Variants in LRRC37B observed in about 807,000 individuals in gnomAD.
LRRC37B encodes the protein leucine-rich repeat-containing protein 37B.
In LRRC37B, 28 loss-of-function variants were observed where a neutral mutation model predicts 98.3. The ratio of observed to expected loss-of-function variants is 0.28; its 90% CI spans 0.21 to 0.39. LRRC37B has a LOEUF of 0.39. Ranked by LOEUF, LRRC37B falls within the 10% of genes least tolerant of loss-of-function variation. The pLI, the probability that LRRC37B is intolerant of heterozygous loss-of-function variation, is 1.00. For missense variants in LRRC37B, 938 were observed against 1,182.7 expected (o/e 0.79, Z 3.03); for synonymous variants, 364 against 442.7 (o/e 0.82, Z 2.23).
intron 11 of LRRC37B, chr17:32,052,245 G>A (rs1255614903): frequency 6.7e-6 from 1 of 150,120 alleles, no homozygotes; most frequent in Non-Finnish European, 1.5e-5. Flanking sequence ...GAGAGCAATG[G>A]TGTGATCTAG....
exon 1 of LRRC37B, chr17:32,022,349 A>G (rs1408247979): frequency 7.4e-6 from 12 of 1,613,982 alleles, no homozygotes; most frequent in Non-Finnish European, 1.0e-5. Flanking sequence ...TTCCACCTTC[A>G]GACAAGGGTC....
chr17:32,040,522 G>C lies in LRRC37B; in HGVS notation c.2204+4883G>C, dbSNP rs1911394236. On this transcript the variant is annotated intron_variant, in intron 7 of 11. Transcript: ENST00000327564. ...CGGAGGGGCTGAGGGGACCAAGCTG[G>C]ACGATGACTTCAAAGAGATGGAGAT... 4.2e-6 allele frequency: 3 copies of C among 719,418 alleles called. No homozygotes were observed. In the South Asian group the frequency reaches 4.3e-5, roughly 10 times the overall value. The allele number at this position is 719,418 out of a possible 1,614,324, so 44.6% of individuals were successfully genotyped here. A position where few individuals can be genotyped will look rare whatever the true frequency, so the allele number is the denominator to read the frequency against.
exon 1 of LRRC37B, chr17:32,022,177 A>G (rs777678794): frequency 3.5e-5 from 57 of 1,613,506 alleles, no homozygotes; most frequent in Non-Finnish European, 4.7e-5. Context: ...TTTACAGTCA[A>G]ACCTGCAGAT....
chr17:32,014,065 A>G (rs1910597368), intron 1 of LRRC37B, among the ~76,000 whole-genome samples: 1 of 152,192 alleles, frequency 6.6e-6, no homozygotes, highest in Non-Finnish European at 1.5e-5. Flanking sequence ...AATGACTTCT[A>G]GATCCATTTT....
At chr17:32,049,774 G>A (rs1210975841) in intron 10 of LRRC37B, among the ~76,000 whole-genome samples, 1 of 152,048 alleles carries the variant, frequency 6.6e-6, no homozygotes, top group Non-Finnish European at 1.5e-5. Context: ...GGCTGAGGTG[G>A]GAGGATCACC....
At chr17:32,022,590 C>T in exon 1 of LRRC37B, 3 of 1,614,006 alleles carry the variant, frequency 1.9e-6, no homozygotes, top group Non-Finnish European at 2.5e-6. Context: ...TCAGACTCTG[C>T]ATCGAAGCCT....
intron 3 of LRRC37B, among the ~76,000 whole-genome samples, chr17:32,029,362 G>A (rs1911050187): frequency 6.6e-6 from 1 of 152,148 alleles, no homozygotes; most frequent in Non-Finnish European, 1.5e-5. Context: ...TTTAAACATG[G>A]TGGGCAATGC....
At position 32,029,289 on chromosome 17, in the gene LRRC37B, C is replaced by T. The variant is rs551280025; in HGVS notation, c.1905-1367C>T. 5.3e-5 allele frequency among the ~76,000 whole-genome samples: 8 copies of T among 152,266 alleles called. No individual in the cohort carries two copies. In the East Asian group the frequency reaches 9.6e-4, roughly 18 times the overall value. ...CTGGGATTACAGGCATGAGCCACTG[C>T]GCCCGGCCAGCTATTCATTTGTTTT... On this transcript the variant is annotated intron_variant, in intron 3 of 11. Coordinates refer to ENST00000327564, the Ensembl canonical transcript of LRRC37B.
chr17:32,032,759 C>G (rs1241026670), intron 5 of LRRC37B, among the ~76,000 whole-genome samples: 1 of 152,140 alleles, frequency 6.6e-6, no homozygotes, highest in Non-Finnish European at 1.5e-5. Context: ...TGCCCTCACA[C>G]CAGAGAACAG....
At chr17:32,041,277 T>C in intron 7 of LRRC37B, 1 of 762,438 alleles carries the variant, frequency 1.3e-6, no homozygotes, top group South Asian at 1.4e-5. Context: ...GATTGCAGCT[T>C]CATCCCCTTT....
chr17:32,049,888 AAG>A, intron 10 of LRRC37B, 113 bp from the exon 14 acceptor site: 1 of 600,184 alleles, frequency 1.7e-6, no homozygotes, highest in African/African-American at 1.9e-5. Flanking sequence ...AAAAGAACAA[AAG>A]AACCTGTAAG....
At chr17:32,034,198 T>G (rs1183561098) in intron 5 of LRRC37B, 3 of 152,046 alleles carry the variant, frequency 2.0e-5, no homozygotes, top group African/African-American at 7.2e-5. Context: ...TTTAAAAAAC[T>G]TTATAAAGAT....
At chr17:32,053,354 C>G in exon 12 of LRRC37B, 1 of 1,558,826 alleles carries the variant, frequency 6.4e-7, no homozygotes, top group Non-Finnish European at 8.7e-7. Flanking sequence ...TGTGGATGGC[C>G]TGGAGCTATG....
chr17:32,048,941 C>T, intron 9 of LRRC37B, 161 bp from the exon 13 acceptor site: 3 of 1,294,686 alleles, frequency 2.3e-6, no homozygotes, highest in East Asian at 2.4e-5. Flanking sequence ...TCTCTGAAAA[C>T]ACAAACTACA....
chr17:32,008,005 G>C (rs762812338), exon 1 of LRRC37B: 1 of 500,104 alleles, frequency 2.0e-6, no homozygotes, highest in South Asian at 2.2e-5. Flanking sequence ...AGGAGACCCA[G>C]GAGTCTGAGG....
At chr17:32,015,683 A>C (rs1335287324) in intron 1 of LRRC37B, among the ~76,000 whole-genome samples, 1 of 152,232 alleles carries the variant, frequency 6.6e-6, no homozygotes, top group Non-Finnish European at 1.5e-5. Flanking sequence ...TAATCTTGGC[A>C]TGACTTTACC....
upstream of LRRC37B, chr17:32,007,872 G>A: frequency 9.0e-7 from 1 of 1,106,428 alleles, no homozygotes. The surrounding 1 kb of genome is among the most constrained non-coding windows in gnomAD (Gnocchi z 4.1). Flanking sequence ...GCACGGGCCC[G>A]GCGGGGGCGC....
intron 10 of LRRC37B, 40 bp downstream of exon 13, chr17:32,049,434 CA>C: frequency 6.3e-7 from 1 of 1,580,578 alleles, no homozygotes; most frequent in Non-Finnish European, 8.6e-7. Context: ...GATTTCCCAT[CA>C]TTTAGCGTAT....
At chr17:32,022,001 A>G (rs778119107) in exon 1 of LRRC37B, 1 of 1,614,094 alleles carries the variant, frequency 6.2e-7, no homozygotes, top group Non-Finnish European at 8.5e-7. Flanking sequence ...AAGAAGCCCC[A>G]GCGCAGCTTC....
Sources: allele counts gnomAD v4.1 joint callset (sites outside exome capture counted in the v4.1 genomes callset), GRCh38; gene constraint gnomAD v4.1.1; non-coding constraint Gnocchi (gnomAD v3.1); transcripts MANE v1.5; gene names NCBI Gene and HGNC (gene_info 2026-07-23, HGNC 2026-07-21).